The following BFSP1 variants were observed in gnomAD, a reference collection of about 807,000 sequenced individuals.
BFSP1 encodes beaded filament structural protein 1.
In BFSP1, 38 loss-of-function variants were observed where a neutral mutation model predicts 43.9. The observed-to-expected ratio is 0.87, with a 90% CI of 0.67 to 1.14. The LOEUF (loss-of-function observed/expected upper bound fraction) is 1.14. BFSP1 is among the 50% of genes most tolerant of loss of function. The pLI is 0.00. For missense variants in BFSP1, 850 were observed against 875.1 expected (o/e 0.97, Z 0.36); for synonymous variants, 352 against 354.8 (o/e 0.99, Z 0.09).
chr20:17,563,261 T>G (rs898192528), upstream of BFSP1, among the ~76,000 whole-genome samples: 8 of 152,248 alleles, frequency 5.3e-5, no homozygotes, highest in Non-Finnish European at 1.0e-4. Flanking sequence ...TGCAGCCATA[T>G]GACTAAGTTC....
chr20:17,530,912 C>T (rs2034519303), intron 1 of BFSP1, 41 bp downstream of exon 1: 27 of 1,366,712 alleles, frequency 2.0e-5, no homozygotes, highest in Non-Finnish European at 2.4e-5. Context: ...GCCGGGACGG[C>T]CCACGCCCTG....
chr20:17,518,164 T>G (rs988830704), intron 2 of BFSP1, among the ~76,000 whole-genome samples: 1 of 152,122 alleles, frequency 6.6e-6, no homozygotes, highest in Non-Finnish European at 1.5e-5. Context: ...TGGTCTGAAG[T>G]TTTTGGGGGT....
At chr20:17,542,198 T>C (rs2034728697) in intron 1 of BFSP1, among the ~76,000 whole-genome samples, 1 of 152,124 alleles carries the variant, frequency 6.6e-6, no homozygotes, top group Admixed American at 6.6e-5. Flanking sequence ...TTTTGCAAGC[T>C]GGTTGACACC....
At chr20:17,544,545 C>T (rs148910670) in intron 1 of BFSP1, among the ~76,000 whole-genome samples, 2 of 152,062 alleles carry the variant, frequency 1.3e-5, no homozygotes, top group African/African-American at 4.8e-5. Context: ...TGTAACAAAA[C>T]AAAAGAGCTG....
chr20:17,545,837 G>A (rs1032853904), intron 1 of BFSP1, among the ~76,000 whole-genome samples: 3 of 152,074 alleles, frequency 2.0e-5, no homozygotes, highest in Admixed American at 6.6e-5. Flanking sequence ...TCATGCTGTC[G>A]GCCCACCTGC....
chr20:17,562,420 G>A (rs925346046), upstream of BFSP1, among the ~76,000 whole-genome samples: 4 of 151,122 alleles, frequency 2.6e-5, no homozygotes, highest in Admixed American at 6.6e-5. Context: ...CCAGCTACTC[G>A]GGAGGCTGAG....
chr20:17,531,363 A>T lies in BFSP1; in HGVS notation c.-34T>A. 7.5e-7 allele frequency: 1 copy of T among 1,335,530 alleles called. No individual in the cohort carries two copies. The allele number at this position is 1,335,530 out of a possible 1,614,324, so 82.7% of individuals were successfully genotyped here. A position where few individuals can be genotyped will look rare whatever the true frequency, so the allele number is the denominator to read the frequency against. ...TGGCGCGGGCGCGCGGGCGGCGCCGAGCCGGCTCTCCAGGAGGCCCCCGGC... is the reference window on the plus strand; with the variant it reads ...TGGCGCGGGCGCGCGGGCGGCGCCGTGCCGGCTCTCCAGGAGGCCCCCGGC... On this transcript the variant is annotated 5_prime_UTR_variant, in exon 1 of 8. Coordinates refer to ENST00000377873, the MANE Select transcript of BFSP1 (RefSeq NM_001195.5).
intron 2 of BFSP1, among the ~76,000 whole-genome samples, chr20:17,520,213 C>CCG (rs1555802980): frequency 1.4e-5 from 2 of 140,204 alleles, no homozygotes; most frequent in African/African-American, 2.6e-5. Context: ...TTAACGTGCC[C>CCG]CCCCACCCCG....
At chr20:17,513,385 G>A (rs552384151) in intron 3 of BFSP1, among the ~76,000 whole-genome samples, 6 of 152,172 alleles carry the variant, frequency 3.9e-5, no homozygotes, top group East Asian at 1.9e-4. Flanking sequence ...CAGTGTGAGC[G>A]ATCATCATCA....
Position 17,499,028 on chromosome 20 carries a change from C to G in BFSP1, c.748G>C (p.Glu250Gln). Reference sequence around the variant, plus strand: ...TCATGGGCACTTTTAATAGCTTGTTCCAGAGTTGTTGTCTGTGGGCAAGGA... The same window carrying G: ...TCATGGGCACTTTTAATAGCTTGTTGCAGAGTTGTTGTCTGTGGGCAAGGA... ...VELQAQTTTL[E>Q]QAIKSAHECY... Residue 250 changes from glutamate to glutamine, a missense_variant, in exon 6 of 8, where the codon GAA becomes CAA. Coordinates refer to ENST00000377873, the MANE Select transcript of BFSP1 (RefSeq NM_001195.5). The G allele has an allele frequency of 1.2e-6, 2 of 1,614,062 alleles. No homozygotes were observed. Among genetic ancestry groups the G allele is most frequent in the Non-Finnish European group, 1.7e-6 (2 of 1,179,974 alleles).
upstream of BFSP1, among the ~76,000 whole-genome samples, chr20:17,559,894 T>C (rs1208528028): frequency 2.0e-5 from 3 of 152,124 alleles, no homozygotes; most frequent in Non-Finnish European, 4.4e-5. Flanking sequence ...GGGGACCTCT[T>C]ATCTAGAGTC....
chr20:17,529,508 CTGTGTGTGTGTCTG>C (rs899196353), intron 1 of BFSP1, among the ~76,000 whole-genome samples: 12 of 149,622 alleles, frequency 8.0e-5, no homozygotes, highest in Non-Finnish European at 1.8e-4. Flanking sequence ...GGGCATGTGC[CTGTGTGTGTGTCTG>C]TGTGTGTGTG....
At position 17,549,427 on chromosome 20, in the gene BFSP1, G is replaced by A. The variant is rs552823999; in HGVS notation, c.2+9261C>T. On this transcript the variant is annotated intron_variant, in intron 1 of 7. Transcript: ENST00000377868. The stretch of plus-strand genomic sequence containing the variant: ...GCAGAAGGAAAGCAGGGGCAAGCAC[G>A]TTTTACATCACCAGAGCAGGAGCAA... Among the ~76,000 whole-genome samples the A allele has an allele frequency of 2.0e-5, 3 of 152,252 alleles. No individual in the cohort carries two copies. In the East Asian group the frequency reaches 5.8e-4, roughly 29 times the overall value.
chr20:17,541,022 T>G (rs2034707107), intron 1 of BFSP1: 1 of 152,506 alleles, frequency 6.6e-6, no homozygotes, highest in African/African-American at 2.4e-5. Context: ...TAAAATGAAT[T>G]AAAGAGTGAG....
chr20:17,568,609 CT>C (rs2035150730), intron 1 of BFSP1, among the ~76,000 whole-genome samples: 1 of 152,118 alleles, frequency 6.6e-6, no homozygotes, highest in Non-Finnish European at 1.5e-5. Context: ...CTTTGAACAA[CT>C]TTTCCAGGTG....
chr20:17,547,603 A>G (rs2034824518), intron 1 of BFSP1, among the ~76,000 whole-genome samples: 1 of 152,260 alleles, frequency 6.6e-6, no homozygotes, highest in African/African-American at 2.4e-5. Context: ...GCCCAGTTTA[A>G]CAATGTTTGT....
rs151173407 is a variant in BFSP1 at position 17,524,883 on chromosome 20, G to A, written c.403C>T (p.Leu135Phe). ...SKYENECECQ[L>F]LLKEMLERLN... ...CGTTCAAGCATTTCTTTTAGCAGGA[G>A]TTGACATTCGCACTCATTTTCATAC... The change falls in exon 2 of 8, where the codon CTC becomes TTC. Residue 135 changes from leucine (L) to phenylalanine (F), a missense_variant. Physicochemically the swap from Leu to Phe is conservative, Grantham distance 22. Coordinates refer to ENST00000377873, the MANE Select transcript of BFSP1 (RefSeq NM_001195.5). The A allele has an allele frequency of 1.6e-4, 251 of 1,614,110 alleles. No homozygotes were observed. The East Asian group carries it at 2.3e-3, about 14-fold the overall frequency.
intron 2 of BFSP1, among the ~76,000 whole-genome samples, chr20:17,518,660 T>G (rs1362963474): frequency 6.6e-6 from 1 of 152,210 alleles, no homozygotes; most frequent in Non-Finnish European, 1.5e-5. Context: ...CCTGAATCTT[T>G]CCAGCAACAG....
At chr20:17,563,885 T>TAAA (rs998399781), upstream of BFSP1, among the ~76,000 whole-genome samples, 635 of 90,728 alleles carry the variant, frequency 7.0e-3, 3 homozygotes, top group African/African-American at 0.023. Context: ...AGACCGTGTC[T>TAAA]AAAAAAAAAA....
Sources: allele counts gnomAD v4.1 joint callset (sites outside exome capture counted in the v4.1 genomes callset), GRCh38; gene constraint gnomAD v4.1.1; transcripts MANE v1.5; gene names NCBI Gene and HGNC (gene_info 2026-07-23, HGNC 2026-07-21).